The following MYO5B variants were observed in gnomAD, a reference collection of about 807,000 sequenced individuals.
The protein encoded by MYO5B is unconventional myosin-Vb.
Under a neutral mutation model 229.3 loss-of-function variants are expected in MYO5B, and 143 were observed. That is an observed-to-expected ratio of 0.62 (90% CI 0.54 to 0.72). The LOEUF (loss-of-function observed/expected upper bound fraction) is 0.72. Among genes scored for constraint, MYO5B ranks in the 30% least tolerant of loss-of-function variants. The probability of loss-of-function intolerance (pLI) is 0.00; values close to 1 mark genes in which losing one functional copy is unlikely to be tolerated. For synonymous variants in MYO5B, 918 were observed against 885.2 expected (o/e 1.04, Z -0.66); for missense variants, 2,321 against 2,331.0 (o/e 1.00, Z 0.09).
At chr18:50,130,657 A>G (rs1358029747) in intron 1 of MYO5B, among the ~76,000 whole-genome samples, 1 of 152,220 alleles carries the variant, frequency 6.6e-6, no homozygotes, top group Non-Finnish European at 1.5e-5. Context: ...CATGAACACC[A>G]GGCCTGAATT....
At chr18:50,164,388 T>C (rs1447257646) in intron 1 of MYO5B, among the ~76,000 whole-genome samples, 1 of 152,164 alleles carries the variant, frequency 6.6e-6, no homozygotes. Context: ...ATCTACCAGT[T>C]ATCCATGAGA....
In MYO5B at chr18:49,974,760, G is replaced by C. The variant is rs1429204573; in HGVS notation, c.1057-145C>G. 12 of 466,954 alleles carry C rather than the reference G, an allele frequency of 2.6e-5. No homozygotes were observed. The South Asian group carries it at 2.7e-4, about 10-fold the overall frequency. 28.9% of individuals were successfully genotyped at this position (466,954 alleles called of 1,614,324 possible). ...CCAGAATCCCAGCACATGCCCTGCT[G>C]CCAGCCCAGCAGTCTCTCTCACACA... On this transcript the variant is annotated intron_variant, in intron 9 of 39. Coordinates refer to ENST00000285039, the MANE Select transcript of MYO5B (RefSeq NM_001080467.3).
chr18:50,194,531 C>T (rs1454649055), intron 1 of MYO5B, among the ~76,000 whole-genome samples: 1 of 152,210 alleles, frequency 6.6e-6, no homozygotes, highest in Non-Finnish European at 1.5e-5. Context: ...AGCCGTGGCG[C>T]TGCGGAACCT....
chr18:49,835,604 C>A (rs1302571852), intron 38 of MYO5B, among the ~76,000 whole-genome samples, 180 bp from the exon 39 acceptor site: 1 of 152,328 alleles, frequency 6.6e-6, no homozygotes, highest in East Asian at 1.9e-4. Context: ...CTAGAGCCCA[C>A]AGCTTTGTCA....
rs557811781 is a variant in MYO5B, at chr18:49,911,747, C to T, written c.2202+315G>A. Among the ~76,000 whole-genome samples the T allele has an allele frequency of 2.3e-3, 349 of 152,286 alleles. 1 individual carries two copies. The highest frequency in any genetic ancestry group is 3.7e-3 in the Admixed American group (57 of 15,298). ...AGCAGAATATCTGTGTGTCAGTATA[C>T]TTTATTCATCCATTGCTGGGTCAGG... On this transcript the variant is annotated intron_variant, in intron 18 of 39. Transcript: ENST00000285039.
At chr18:49,963,277 AAAAG>A (rs2025582115) in intron 10 of MYO5B, among the ~76,000 whole-genome samples, 1 of 152,200 alleles carries the variant, frequency 6.6e-6, no homozygotes, top group African/African-American at 2.4e-5. Flanking sequence ...GAAAGTTTAA[AAAAG>A]AAAGTCAGCA....
chr18:50,159,575 A>T (rs1010247968), intron 1 of MYO5B, among the ~76,000 whole-genome samples: 1 of 152,168 alleles, frequency 6.6e-6, no homozygotes, highest in Non-Finnish European at 1.5e-5. Flanking sequence ...TCTCATGCTC[A>T]CAGTGGCTTT....
intron 22 of MYO5B, 100 bp downstream of exon 22, chr18:49,894,841 T>C (rs2024758928): frequency 3.9e-6 from 4 of 1,035,150 alleles, no homozygotes; most frequent in South Asian, 1.3e-5. Context: ...CCCAAGACCA[T>C]GGCAATTTTA....
chr18:50,049,752 C>G (rs1024252747), intron 2 of MYO5B, among the ~76,000 whole-genome samples: 1 of 152,140 alleles, frequency 6.6e-6, no homozygotes, highest in Non-Finnish European at 1.5e-5. Context: ...GGCAGGGGTG[C>G]AAGTTGCTGC....
chr18:49,909,714 G>A (rs144671401), intron 18 of MYO5B, among the ~76,000 whole-genome samples: 34 of 152,338 alleles, frequency 2.2e-4, no homozygotes, highest in African/African-American at 8.2e-4. Context: ...AGTGCTGCTG[G>A]CCCATAGAAG....
chr18:49,953,890 A>AT, intron 13 of MYO5B, among the ~76,000 whole-genome samples: 1 of 91,700 alleles, frequency 1.1e-5, no homozygotes, highest in Non-Finnish European at 2.4e-5. Context: ...TTATATATAC[A>AT]TATATGTGTG....
intron 9 of MYO5B, among the ~76,000 whole-genome samples, chr18:49,979,375 C>T (rs1195603231): frequency 6.6e-6 from 1 of 152,228 alleles, no homozygotes; most frequent in Non-Finnish European, 1.5e-5. Context: ...GCAGGCCAGA[C>T]AGGCCCAGGG....
At chr18:50,156,765 A>G (rs77204803) in intron 1 of MYO5B, among the ~76,000 whole-genome samples, 5,435 of 152,312 alleles carry the variant, frequency 0.036, 101 homozygotes, top group South Asian at 0.055. Context: ...TGTATCTTAC[A>G]TGTAACTTTT....
At chr18:50,002,615 C>T (rs1051413407) in intron 4 of MYO5B, among the ~76,000 whole-genome samples, 2 of 152,146 alleles carry the variant, frequency 1.3e-5, no homozygotes, top group Admixed American at 6.5e-5. Context: ...ATCGCAGTTT[C>T]GGGAAACGGT....
At chr18:50,125,534 AAAAG>A (rs1280071199) in intron 1 of MYO5B, among the ~76,000 whole-genome samples, 2 of 152,176 alleles carry the variant, frequency 1.3e-5, no homozygotes, top group East Asian at 1.9e-4. Context: ...AATAATAATA[AAAAG>A]AAAGAAAAGT....
chr18:50,032,362 G>A (rs975461622), intron 4 of MYO5B, among the ~76,000 whole-genome samples: 22 of 152,120 alleles, frequency 1.4e-4, no homozygotes, highest in African/African-American at 4.8e-4. Context: ...CAGAAATCAT[G>A]CTTCATTTTG....
chr18:49,881,853 T>TTTA, intron 22 of MYO5B, among the ~76,000 whole-genome samples: 1 of 152,214 alleles, frequency 6.6e-6, no homozygotes, highest in Admixed American at 6.5e-5. Flanking sequence ...GTTTTTGCTA[T>TTTA]TTATTATTAG....
chr18:50,040,650 T>C (rs2029985701), intron 2 of MYO5B, among the ~76,000 whole-genome samples: 1 of 152,192 alleles, frequency 6.6e-6, no homozygotes, highest in Admixed American at 6.5e-5. Flanking sequence ...CTTCCTTGAT[T>C]GGCCCCATTT....
intron 1 of MYO5B, among the ~76,000 whole-genome samples, chr18:50,093,387 G>A (rs1287425146): frequency 6.6e-6 from 1 of 152,190 alleles, no homozygotes; most frequent in Non-Finnish European, 1.5e-5. Flanking sequence ...ACTAGCTTGA[G>A]GATGGGAAGA....
Sources: gnomAD v4.1 joint callset for allele counts (sites outside exome capture counted in the v4.1 genomes callset) on GRCh38, gnomAD v4.1.1 for gene constraint, MANE v1.5 for transcripts, NCBI Gene and HGNC (gene_info 2026-07-23, HGNC 2026-07-21) for gene names.